Variants in POLR3E observed in about 807,000 individuals in gnomAD.
The protein encoded by POLR3E is RNA polymerase III subunit E.
POLR3E carries 41 observed loss-of-function variants against 96.6 expected under a neutral mutation model. The ratio of observed to expected loss-of-function variants is 0.42; its 90% CI spans 0.33 to 0.55. The LOEUF is 0.55. POLR3E is among the 20% of genes least tolerant of loss of function. The pLI is 0.06. For missense variants in POLR3E, 849 were observed against 952.1 expected (o/e 0.89, Z 1.43); for synonymous variants, 396 against 383.6 (o/e 1.03, Z -0.38).
chr16:22,308,419 T>A (rs2048178288), intron 4 of POLR3E, 194 bp downstream of exon 4: 1 of 582,154 alleles, frequency 1.7e-6, no homozygotes, highest in South Asian at 1.9e-5. Context: ...CAGGGACGCA[T>A]GAGGCTGATG....
chr16:22,326,255 G>C lies in POLR3E; in HGVS notation c.1843G>C (p.Gly615Arg), dbSNP rs948337022. Reference sequence around the variant, plus strand: ...GCTACAGGACACGGTGCTGGCCGCCGGTTGCAAGCAGATACTGGTGCCTGT... The same window carrying C: ...GCTACAGGACACGGTGCTGGCCGCCCGTTGCAAGCAGATACTGGTGCCTGT... Reference protein sequence around the residue: ...RMLQDTVLAAGCKQILVPFPP... With the variant: ...RMLQDTVLAARCKQILVPFPP... The change falls in exon 18 of 21, where the codon GGT becomes CGT. Residue 615 changes from glycine to arginine, a missense_variant. Gly to Arg is a moderately radical substitution (Grantham distance 125, BLOSUM62 -2). Transcript: ENST00000299853. 2.5e-6 allele frequency: 4 copies of C among 1,592,642 alleles called. No homozygotes were observed. In the Admixed American group the frequency reaches 6.8e-5, roughly 27 times the overall value.
chr16:22,318,992 G>T lies in POLR3E; in HGVS notation c.986+46G>T. ...TTTATTTTTATTTATTTTTTTCCTT[G>T]AGGCAGAGCTTCACTCTTGTTGCCC... On this transcript the variant is annotated intron_variant, in intron 13 of 20. Transcript: ENST00000299853. This position sits in a 1 kb window ranked among gnomAD's most constrained non-coding sequence, Gnocchi z 5.0. 1.4e-6 allele frequency: 2 copies of T among 1,426,598 alleles called. No homozygotes were observed. Among genetic ancestry groups the T allele is most frequent in the South Asian group, 1.3e-5 (1 of 78,472 alleles). The allele number at this position is 1,426,598 out of a possible 1,614,324, so 88.4% of individuals were successfully genotyped here.
chr16:22,325,882 G>A lies in POLR3E; in HGVS notation c.1470G>A (p.Ala490=), dbSNP rs377660610. Residue 490 remains alanine (A), a synonymous_variant, in exon 18 of 21, where the codon GCG becomes GCA. Transcript: ENST00000299853. ...QRRKEQLRVP[A]VPPGVRIKEE... Reference sequence around the variant, plus strand: ...GGAAGGAGCAGCTGCGGGTGCCTGCGGTCCCGCCCGGTGTGCGGATCAAGG... The same window carrying A: ...GGAAGGAGCAGCTGCGGGTGCCTGCAGTCCCGCCCGGTGTGCGGATCAAGG... The A allele has an allele frequency of 1.4e-5, 22 of 1,609,580 alleles. No individual in the cohort carries two copies. The highest frequency in any genetic ancestry group is 4.0e-5 in the African/African-American group (3 of 74,988).
Position 22,322,997 on chromosome 16 carries a change from C to A in POLR3E, c.1068+66C>A. 1.8e-6 allele frequency: 2 copies of A among 1,125,222 alleles called. No individual in the cohort carries two copies. Among genetic ancestry groups the A allele is most frequent in the African/African-American group, 1.5e-5 (1 of 65,194 alleles). 69.7% of individuals were successfully genotyped at this position (1,125,222 alleles called of 1,614,324 possible). ...GGAAGAGGGGGGCAGCGGTGCAGGGCTTCTGAAGACCGGGGCCCGGCAGAG... is the reference window on the plus strand; with the variant it reads ...GGAAGAGGGGGGCAGCGGTGCAGGGATTCTGAAGACCGGGGCCCGGCAGAG... On this transcript the variant is annotated intron_variant, in intron 14 of 20. Transcript: ENST00000299853. This position sits in a 1 kb window ranked among gnomAD's most constrained non-coding sequence, Gnocchi z 5.2.
intron 14 of POLR3E, 143 bp downstream of exon 14, chr16:22,323,074 T>G: frequency 5.1e-6 from 3 of 583,886 alleles, no homozygotes; most frequent in Non-Finnish European, 3.1e-6. Flanking sequence ...GCCTTTCTCC[T>G]CCTTCCTCTC....
rs749194794 is a variant in POLR3E at position 22,322,928 on chromosome 16, C to T, written c.1065C>T (p.Phe355=). The T allele has an allele frequency of 1.2e-5, 20 of 1,608,314 alleles. No individual in the cohort carries two copies. In the Admixed American group the frequency reaches 2.0e-4, roughly 16 times the overall value. Residue 355 remains phenylalanine, a synonymous_variant, in exon 14 of 21, where the codon TTC becomes TTT. Transcript: ENST00000299853. This position sits in a 1 kb window ranked among gnomAD's most constrained non-coding sequence, Gnocchi z 5.2. ...AGGTGCTCTGCAGGGGCCGAGACTT[C>T]GTTGTAAGTACCTTGGGTTCTCTGG... is the stretch of plus-strand genomic sequence containing the variant. ...PAEVLCRGRD[F]VMWKFTQSRW... is the part of the protein sequence containing the mutation.
rs117202319 is a variant in POLR3E, at chr16:22,320,466, T to G, written c.986+1520T>G. ...TAGAAGAGGCAGGGTTTTGCTGTGT[T>G]GGCCAGCTGGTCTTGAACTCCTGAC... On this transcript the variant is annotated intron_variant, in intron 13 of 20. Transcript: ENST00000299853. Among the ~76,000 whole-genome samples, 1,346 of 152,232 alleles carry G rather than the reference T, an allele frequency of 8.8e-3. 6 individuals carry two copies. Among genetic ancestry groups the G allele is most frequent in the Non-Finnish European group, 0.014 (930 of 68,004 alleles).
At chr16:22,328,815 T>TGG in intron 19 of POLR3E, 1 of 504,786 alleles carries the variant, frequency 2.0e-6, no homozygotes, top group Non-Finnish European at 3.6e-6. Flanking sequence ...GTGAGCCAGC[T>TGG]CCATCAGAAT....
chr16:22,316,499 C>T (rs2048357882), intron 9 of POLR3E, 102 bp from the exon 10 acceptor site: 7 of 828,706 alleles, frequency 8.4e-6, no homozygotes, highest in Non-Finnish European at 1.4e-5. Context: ...GGATGTGGTC[C>T]TGTGGCTGGC....
chr16:22,308,919 C>T lies in POLR3E; in HGVS notation c.166-6C>T, dbSNP rs374789525. 228 of 1,605,720 alleles carry T rather than the reference C, an allele frequency of 1.4e-4. No homozygotes were observed. Among genetic ancestry groups the T allele is most frequent in the Non-Finnish European group, 1.9e-4 (221 of 1,172,768 alleles). On this transcript the variant is annotated splice_polypyrimidine_tract_variant and splice_region_variant and intron_variant, in intron 4 of 20. Transcript: ENST00000299853. Reference sequence around the variant, plus strand: ...CATAGCTGGTGGGGGTGCTTGGTGCCTCCAGGTAGAGCTTGAGATGGCCAT... The same window carrying T: ...CATAGCTGGTGGGGGTGCTTGGTGCTTCCAGGTAGAGCTTGAGATGGCCAT...
At chr16:22,309,234 C>A in intron 5 of POLR3E, 194 bp downstream of exon 5, 1 of 688,384 alleles carries the variant, frequency 1.5e-6, no homozygotes, top group African/African-American at 1.8e-5. Flanking sequence ...CACTCCTCGT[C>A]TCTTGGTCTA....
chr16:22,329,829 A>C (rs920896232), intron 19 of POLR3E, among the ~76,000 whole-genome samples: 1 of 152,066 alleles, frequency 6.6e-6, no homozygotes, highest in African/African-American at 2.4e-5. Context: ...GGGTCTCACT[A>C]TGTTGGCCAG....
chr16:22,299,410 C>CTTT (rs34579812), intron 1 of POLR3E, among the ~76,000 whole-genome samples: 3 of 117,356 alleles, frequency 2.6e-5, no homozygotes, highest in Non-Finnish European at 3.5e-5. Context: ...ATATGATTTA[C>CTTT]TTTTTTTTTT....
At chr16:22,323,209 T>A (rs1279690256) in intron 14 of POLR3E, among the ~76,000 whole-genome samples, 2 of 152,150 alleles carry the variant, frequency 1.3e-5, no homozygotes, top group African/African-American at 2.4e-5. Context: ...GGTTGTCAGA[T>A]TTTATAAATT....
intron 2 of POLR3E, 84 bp downstream of exon 2, chr16:22,303,088 G>A (rs2048060859): frequency 1.6e-6 from 2 of 1,259,644 alleles, no homozygotes; most frequent in South Asian, 1.2e-5. Context: ...GCCAGTCTGG[G>A]ACCTGTTGAT....
At position 22,309,475 on chromosome 16, in the gene POLR3E, A is replaced by C; in HGVS notation, c.329A>C (p.Asn110Thr). Reference sequence around the variant, plus strand: ...TTCTGCTCTTCCCAGACCACCAGTAACACATCCCGTTATGCCGCTGCACTC... The same window carrying C: ...TTCTGCTCTTCCCAGACCACCAGTACCACATCCCGTTATGCCGCTGCACTC... ...QTFCSSQTTSNTSRYAAALYR... is the reference protein window; with the variant it reads ...QTFCSSQTTSTTSRYAAALYR... The change falls in exon 6 of 21, where the codon AAC becomes ACC. Residue 110 changes from asparagine (N) to threonine (T), a missense_variant. Asn to Thr is a moderately conservative substitution (Grantham distance 65). Coordinates refer to ENST00000299853, the MANE Select transcript of POLR3E (RefSeq NM_018119.4). 6.2e-7 allele frequency: 1 copy of C among 1,613,796 alleles called. No homozygotes were observed. Among genetic ancestry groups the C allele is most frequent in the Non-Finnish European group, 8.5e-7 (1 of 1,179,906 alleles).
At chr16:22,311,188 C>G (rs549742560) in intron 6 of POLR3E, among the ~76,000 whole-genome samples, 1 of 150,880 alleles carries the variant, frequency 6.6e-6, no homozygotes, top group South Asian at 2.1e-4. Context: ...AGGCTGGTCT[C>G]GAACTCCTGA....
intron 1 of POLR3E, among the ~76,000 whole-genome samples, chr16:22,300,849 T>C (rs1424145697): frequency 6.6e-6 from 1 of 152,228 alleles, no homozygotes; most frequent in African/African-American, 2.4e-5. Context: ...TTCATTTATT[T>C]AGACAACAAA....
Position 22,332,876 on chromosome 16 carries a change from G to A in POLR3E, c.2070+691G>A, listed in dbSNP as rs998185713. Among the ~76,000 whole-genome samples, 4 of 148,624 alleles carry A rather than the reference G, an allele frequency of 2.7e-5. No homozygotes were observed. The South Asian group carries it at 8.7e-4, about 32-fold the overall frequency. On this transcript the variant is annotated intron_variant, in intron 20 of 20. Transcript: ENST00000299853. ...GACAGAAAACTGATGACAATGTCTT[G>A]TTTTGATTAAACATCCAGAGCCATA...
Sources: allele counts gnomAD v4.1 joint callset (sites outside exome capture counted in the v4.1 genomes callset), GRCh38; gene constraint gnomAD v4.1.1; non-coding constraint Gnocchi (gnomAD v3.1); transcripts MANE v1.5; gene names NCBI Gene and HGNC (gene_info 2026-07-23, HGNC 2026-07-21).